PTGER3: variants seen among roughly 807,000 people sequenced by gnomAD.
PTGER3 encodes prostaglandin E2 receptor EP3 subtype.
A neutral mutation model predicts 34.7 loss-of-function variants in PTGER3; 22 were observed. The ratio of observed to expected loss-of-function variants is 0.63; its 90% confidence interval spans 0.45 to 0.91. PTGER3 has a LOEUF of 0.91. Among genes scored for constraint, PTGER3 ranks in the 40% least tolerant of loss-of-function variants. PTGER3 has a pLI of 0.00. For missense variants in PTGER3, 468 were observed against 519.4 expected (o/e 0.90, Z 0.96); for synonymous variants, 241 against 230.1 (o/e 1.05, Z -0.43).
At chr1:70,967,925 C>G (rs1652693476), downstream of PTGER3, among the ~76,000 whole-genome samples, 1 of 152,136 alleles carries the variant, frequency 6.6e-6, no homozygotes, top group African/African-American at 2.4e-5. Context: ...TTTCTCTTCC[C>G]TCCTTGGGAG....
chr1:70,975,998 G>A (rs1653656876), intron 2 of PTGER3, among the ~76,000 whole-genome samples: 1 of 152,036 alleles, frequency 6.6e-6, no homozygotes, highest in African/African-American at 2.4e-5. Flanking sequence ...TTAGAGGCCT[G>A]CTTTAACTAA....
intron 1 of PTGER3, among the ~76,000 whole-genome samples, chr1:71,046,300 A>AC (rs1301492050): frequency 9.4e-4 from 141 of 149,238 alleles, no homozygotes; most frequent in Non-Finnish European, 1.7e-3. Flanking sequence ...AAAAAAAAAA[A>AC]AAAAAACCCC....
At chr1:70,918,725 A>C (rs1470325142) in intron 4 of PTGER3, among the ~76,000 whole-genome samples, 2 of 152,090 alleles carry the variant, frequency 1.3e-5, no homozygotes, top group Non-Finnish European at 1.5e-5. Context: ...AGCTCCTGAC[A>C]GCACCAATGT....
chr1:70,958,145 G>A lies in PTGER3; in HGVS notation c.1078-4356C>T, dbSNP rs540856102. Among the ~76,000 whole-genome samples the A allele has an allele frequency of 2.6e-5, 4 of 152,198 alleles. No homozygotes were observed. The South Asian group carries it at 8.3e-4, about 32-fold the overall frequency. On this transcript the variant is annotated intron_variant, in intron 2 of 3. Coordinates refer to the PTGER3 transcript ENST00000356595. ...TTCCATATCTTGACTACTGTGAATA[G>A]CACTATAATAAACATGGGTGTGCAG...
intron 2 of PTGER3, among the ~76,000 whole-genome samples, chr1:70,959,906 G>C (rs112582074): frequency 1.3e-5 from 2 of 151,718 alleles, no homozygotes; most frequent in African/African-American, 4.9e-5. Flanking sequence ...TACCTAATGC[G>C]ACCTTATTTG....
intron 4 of PTGER3, among the ~76,000 whole-genome samples, chr1:70,880,181 G>A (rs966222868): frequency 3.3e-5 from 5 of 152,034 alleles, no homozygotes; most frequent in African/African-American, 9.7e-5. Flanking sequence ...GCTTTATAGT[G>A]TCAACGACCT....
chr1:71,010,798 T>C (rs1572923445), intron 2 of PTGER3: 1 of 985,162 alleles, frequency 1.0e-6, no homozygotes, highest in South Asian at 4.7e-5. Flanking sequence ...GACATGGTCA[T>C]TTAAAATAAT....
intron 1 of PTGER3, among the ~76,000 whole-genome samples, chr1:71,016,348 A>G (rs1168389410): frequency 1.3e-5 from 2 of 152,226 alleles, no homozygotes; most frequent in Non-Finnish European, 2.9e-5. Context: ...TAATTCACAA[A>G]TAGTATATAT....
intron 2 of PTGER3, among the ~76,000 whole-genome samples, chr1:70,995,409 T>A (rs1466848473): frequency 3.3e-5 from 5 of 152,126 alleles, no homozygotes; most frequent in Non-Finnish European, 5.9e-5. Context: ...AAGTCTCTGC[T>A]CTTGAAATAG....
At chr1:71,043,949 T>C (rs1288580001) in intron 1 of PTGER3, among the ~76,000 whole-genome samples, 1 of 151,444 alleles carries the variant, frequency 6.6e-6, no homozygotes, top group African/African-American at 2.4e-5. Context: ...CCCGAGTAAC[T>C]GAGATTACAG....
chr1:70,857,614 C>A (rs1197747290), intron 4 of PTGER3, among the ~76,000 whole-genome samples: 1 of 152,230 alleles, frequency 6.6e-6, no homozygotes, highest in East Asian at 1.9e-4. Context: ...CGGCTCCCTG[C>A]AAGCTCCGCC....
chr1:71,029,666 C>T (rs11209738), intron 1 of PTGER3, among the ~76,000 whole-genome samples: 16,253 of 152,058 alleles, frequency 0.11, 1,118 homozygotes, highest in East Asian at 0.22. Context: ...TGGCTCACAC[C>T]TGTAATCCCA....
chr1:70,963,958 A>T (rs1394704516), intron 2 of PTGER3, among the ~76,000 whole-genome samples: 1 of 152,196 alleles, frequency 6.6e-6, no homozygotes, highest in Non-Finnish European at 1.5e-5. Flanking sequence ...ATCCCAAAGC[A>T]TCTCTCTCAA....
rs201431843 is a variant in PTGER3 at position 70,874,768 on chromosome 1, A to G, written c.*24-21909T>C. Reference sequence around the variant, plus strand: ...CATCAAATCATTGCATTTTCCCAGGAGAAATTGAACACACTAACAGATTTG... The same window carrying G: ...CATCAAATCATTGCATTTTCCCAGGGGAAATTGAACACACTAACAGATTTG... On this transcript the variant is annotated intron_variant, in intron 4 of 4. Transcript: ENST00000370931. Among the ~76,000 whole-genome samples, 49 of 152,224 alleles carry G rather than the reference A, an allele frequency of 3.2e-4. No homozygotes were observed. The East Asian group carries it at 5.4e-3, about 17-fold the overall frequency.
intron 4 of PTGER3, among the ~76,000 whole-genome samples, chr1:70,892,404 GC>G (rs1399047649): frequency 6.6e-6 from 1 of 152,242 alleles, no homozygotes; most frequent in Non-Finnish European, 1.5e-5. Context: ...ATTTAACACA[GC>G]TGGCACCAGG....
chr1:70,960,552 T>C (rs1387762406), intron 2 of PTGER3, among the ~76,000 whole-genome samples: 1 of 152,134 alleles, frequency 6.6e-6, no homozygotes, highest in Non-Finnish European at 1.5e-5. Flanking sequence ...CGTTCCAGTA[T>C]TAAAACACAT....
intron 2 of PTGER3, among the ~76,000 whole-genome samples, chr1:70,962,899 A>G (rs1053387319): frequency 2.0e-5 from 3 of 152,204 alleles, no homozygotes; most frequent in Admixed American, 1.3e-4. Context: ...TTAACTCAAA[A>G]GTCTGCAGTC....
chr1:70,962,396 G>C (rs889012527), intron 2 of PTGER3, among the ~76,000 whole-genome samples: 3 of 150,728 alleles, frequency 2.0e-5, no homozygotes, highest in African/African-American at 7.5e-5. Flanking sequence ...AATTAGCTCT[G>C]TCTGTTACAG....
intron 4 of PTGER3, among the ~76,000 whole-genome samples, chr1:70,875,799 T>C (rs1440563792): frequency 1.3e-5 from 2 of 152,112 alleles, no homozygotes; most frequent in Admixed American, 1.3e-4. Flanking sequence ...AAGGACATGA[T>C]CTAGTTCTTT....
Sources: gnomAD v4.1 joint callset for allele counts (sites outside exome capture counted in the v4.1 genomes callset) on GRCh38, gnomAD v4.1.1 for gene constraint, MANE v1.5 for transcripts, NCBI Gene and HGNC (gene_info 2026-07-23, HGNC 2026-07-21) for gene names.